Variants in ANK3 observed in about 807,000 individuals in gnomAD.
The protein encoded by ANK3 is ankyrin-3.
In ANK3, 57 loss-of-function variants were observed where a neutral mutation model predicts 370.9. The ratio of observed to expected loss-of-function variants is 0.15; its 90% CI spans 0.12 to 0.19. ANK3 has a LOEUF of 0.19. ANK3 is among the 10% of genes least tolerant of loss of function. ANK3 has a pLI of 1.00. For synonymous variants in ANK3, 1,929 were observed against 1,946.3 expected, an observed-to-expected ratio of 0.99 and a Z score of 0.23; for missense variants, 4,439 against 5,302.1, an observed-to-expected ratio of 0.84 and a Z score of 5.06.
At chr10:60,047,924 C>T (rs2077222208) in intron 42 of ANK3, among the ~76,000 whole-genome samples, 1 of 152,022 alleles carries the variant, frequency 6.6e-6, no homozygotes, top group Admixed American at 6.6e-5. Flanking sequence ...CATTTAAGTC[C>T]CATGACAAAT....
At chr10:60,250,111 G>T (rs1204588755) in intron 7 of ANK3, among the ~76,000 whole-genome samples, 2 of 152,180 alleles carry the variant, frequency 1.3e-5, no homozygotes, top group African/African-American at 2.4e-5. Context: ...ACAAGTAAAT[G>T]ATTTTTAAAG....
At chr10:60,442,383 A>G (rs1321933343) in intron 2 of ANK3, among the ~76,000 whole-genome samples, 1 of 152,200 alleles carries the variant, frequency 6.6e-6, no homozygotes, top group East Asian at 1.9e-4. Flanking sequence ...GGCATGAGCC[A>G]CCACGCTGGA....
intron 1 of ANK3, among the ~76,000 whole-genome samples, chr10:60,713,034 G>GT (rs1286308163): frequency 6.6e-6 from 1 of 152,166 alleles, no homozygotes; most frequent in Non-Finnish European, 1.5e-5. Flanking sequence ...CTTTTTATCA[G>GT]TAATTGACAG....
intron 1 of ANK3, among the ~76,000 whole-genome samples, chr10:60,332,400 T>C (rs1195668610): frequency 6.6e-6 from 1 of 152,210 alleles, no homozygotes; most frequent in Non-Finnish European, 1.5e-5. Flanking sequence ...ATGCAAAGTA[T>C]GAATTTCACA....
In ANK3 at chr10:60,573,629, A is replaced by G. The variant is rs537048624; in HGVS notation, c.96+41557T>C. Among the ~76,000 whole-genome samples, 182 of 152,300 alleles carry G rather than the reference A, an allele frequency of 1.2e-3. 1 individual carries two copies. The highest frequency in any genetic ancestry group is 1.2e-3 in the Non-Finnish European group (79 of 68,014). On this transcript the variant is annotated intron_variant, in intron 2 of 43. Coordinates refer to the ANK3 transcript ENST00000373827. ...TTCACACCTGGGTGGAAACCCCCTC[A>G]CCATGCCTTCCATCCATTTAAACAC... is the stretch of plus-strand genomic sequence containing the variant.
intron 27 of ANK3, among the ~76,000 whole-genome samples, chr10:60,107,766 C>T (rs1057197018): frequency 5.3e-5 from 8 of 152,212 alleles, no homozygotes; most frequent in African/African-American, 1.7e-4. Flanking sequence ...CACACATGCG[C>T]ACGCGCACAC....
At chr10:60,561,085 G>A (rs568686975) in intron 2 of ANK3, among the ~76,000 whole-genome samples, 1 of 152,238 alleles carries the variant, frequency 6.6e-6, no homozygotes, top group East Asian at 1.9e-4. Flanking sequence ...ATAACAATGG[G>A]AAATTGCACA....
chr10:60,198,439 A>G lies in ANK3; in HGVS notation c.1590T>C (p.Thr530=). 1 of 1,614,208 alleles carries G rather than the reference A, an allele frequency of 6.2e-7. No individual in the cohort carries two copies. Among genetic ancestry groups the G allele is most frequent in the Non-Finnish European group, 8.5e-7 (1 of 1,180,036 alleles). ...AAAGGTGAAGTGGGGTGTACCCAGA[A>G]GTTGTGGCTGCATTTGGAGATGCCC... is the stretch of plus-strand genomic sequence containing the variant. ...QQGASPNAAT[T]SGYTPLHLSA... is the part of the protein sequence containing the mutation. Residue 530 remains threonine (T), a synonymous_variant, in exon 14 of 44, where the codon ACT becomes ACC. Transcript: ENST00000280772.
intron 1 of ANK3, among the ~76,000 whole-genome samples, chr10:60,693,587 T>C (rs1464260151): frequency 6.6e-6 from 1 of 152,198 alleles, no homozygotes; most frequent in African/African-American, 2.4e-5. Context: ...AGTGGGTCCC[T>C]GACCCCTGAC....
chr10:60,082,094 C>T, intron 35 of ANK3, 56 bp downstream of exon 35: 1 of 1,440,236 alleles, frequency 6.9e-7, no homozygotes, highest in Non-Finnish European at 9.7e-7. Context: ...TTCTGTCATA[C>T]AGATTCAATT....
chr10:60,070,979 C>G lies in ANK3; in HGVS notation c.9902G>C (p.Arg3301Thr). The G allele has an allele frequency of 6.2e-7, 1 of 1,614,118 alleles. No individual in the cohort carries two copies. Among genetic ancestry groups the G allele is most frequent in the Non-Finnish European group, 8.5e-7 (1 of 1,180,012 alleles). Residue 3301 changes from arginine to threonine, a missense_variant, in exon 37 of 44, where the codon AGA becomes ACA. Transcript: ENST00000280772. This position sits in a 1 kb window ranked among gnomAD's most constrained non-coding sequence, Gnocchi z 5.7. ...DKYQLAEPVI[R>T]VQPPSPVPPG... ...AGGAACTGGTGAAGGTGGCTGCACT[C>G]TAATGACAGGTTCAGCCAGCTGGTA...
chr10:60,549,425 C>CG (rs796692622), intron 2 of ANK3, among the ~76,000 whole-genome samples: 8 of 152,238 alleles, frequency 5.3e-5, no homozygotes, highest in Admixed American at 2.0e-4. Context: ...AGTATAAATA[C>CG]TATAACACAA....
chr10:60,155,714 G>A (rs572858660), intron 23 of ANK3, among the ~76,000 whole-genome samples: 2 of 152,282 alleles, frequency 1.3e-5, no homozygotes, highest in African/African-American at 4.8e-5. Context: ...CTAATCAGCT[G>A]CCAGCAAGGC....
chr10:60,090,856 A>G (rs976576475), intron 28 of ANK3, among the ~76,000 whole-genome samples: 1 of 152,204 alleles, frequency 6.6e-6, no homozygotes, highest in Non-Finnish European at 1.5e-5. Context: ...GTAACTGGGC[A>G]TCATCTATTC....
At chr10:60,290,326 C>T (rs1260283555) in intron 1 of ANK3, among the ~76,000 whole-genome samples, 1 of 151,648 alleles carries the variant, frequency 6.6e-6, no homozygotes, top group Non-Finnish European at 1.5e-5. Context: ...TTTTATGTGC[C>T]TTTTTCATGG....
rs769577208 is a variant in ANK3 at position 60,072,207 on chromosome 10, C to T, written c.8674G>A (p.Asp2892Asn). Reference sequence around the variant, plus strand: ...ACAGACATAAATTCATTCTTTTGATCAACACTTTTACTCTCAGGGTGACCA... The same window carrying T: ...ACAGACATAAATTCATTCTTTTGATTAACACTTTTACTCTCAGGGTGACCA... ...HIGHPESKSV[D>N]QKNEFMSVTE... Residue 2892 changes from aspartate to asparagine, a missense_variant, in exon 37 of 44, where the codon GAT becomes AAT. This residue lies in a region of ANK3 where 1,601 missense variants were observed against 1,731.7 expected (regional missense o/e 0.92). Transcript: ENST00000280772. The T allele has an allele frequency of 5.0e-6, 8 of 1,613,810 alleles. No individual in the cohort carries two copies. In the Admixed American group the frequency reaches 1.3e-4, roughly 27 times the overall value.
intron 1 of ANK3, among the ~76,000 whole-genome samples, chr10:60,301,851 C>T (rs536882738): frequency 6.6e-6 from 1 of 152,296 alleles, no homozygotes; most frequent in East Asian, 1.9e-4. Flanking sequence ...AATCAGAGCC[C>T]TAAAGAACCC....
In ANK3 at chr10:60,076,248, T is replaced by A; in HGVS notation, c.4633A>T (p.Thr1545Ser). 6.2e-7 allele frequency: 1 copy of A among 1,614,094 alleles called. No individual in the cohort carries two copies. Among genetic ancestry groups the A allele is most frequent in the Non-Finnish European group, 8.5e-7 (1 of 1,179,962 alleles). Residue 1545 changes from threonine (T) to serine (S), a missense_variant, in exon 37 of 44, where the codon ACA becomes TCA. Around this residue, in one of 13 missense-constraint regions of ANK3, gnomAD observed 679 missense variants for 791.0 expected, o/e 0.86. Coordinates refer to ENST00000280772, the MANE Select transcript of ANK3 (RefSeq NM_020987.5). ...AATGTGGATTTGATTGGAGAAGGTGTCGAAACAGACCATATTGATTTTAAC... is the reference window on the plus strand; with the variant it reads ...AATGTGGATTTGATTGGAGAAGGTGACGAAACAGACCATATTGATTTTAAC... ...SPLKSIWSVS[T>S]PSPIKSTLGA...
chr10:60,221,724 C>T (rs1241737805), intron 8 of ANK3, among the ~76,000 whole-genome samples: 1 of 152,190 alleles, frequency 6.6e-6, no homozygotes, highest in Non-Finnish European at 1.5e-5. Context: ...ACTATGAGTG[C>T]TGGCTCTACA....
Sources: allele counts gnomAD v4.1 joint callset (sites outside exome capture counted in the v4.1 genomes callset), GRCh38; gene constraint gnomAD v4.1.1; regional missense constraint gnomAD v4.1.1; non-coding constraint Gnocchi (gnomAD v3.1); transcripts MANE v1.5; gene names NCBI Gene and HGNC (gene_info 2026-07-23, HGNC 2026-07-21).